The following FCRL1 variants were observed in gnomAD, a reference collection of about 807,000 sequenced individuals.
FCRL1 encodes the protein Fc receptor-like protein 1.
FCRL1 carries 34 observed loss-of-function variants against 49.2 expected under a neutral mutation model. That is an observed-to-expected ratio of 0.69 (90% CI 0.53 to 0.92). The LOEUF is 0.92. Among genes scored for constraint, FCRL1 ranks in the 40% least tolerant of loss-of-function variants. The pLI is 0.00. For synonymous variants in FCRL1, 218 were observed against 201.6 expected, an observed-to-expected ratio of 1.08 and a Z score of -0.69; for missense variants, 524 against 524.1, an observed-to-expected ratio of 1.00 and a Z score of 0.00.
At chr1:157,816,122 C>G (rs1048416437) in intron 1 of FCRL1, among the ~76,000 whole-genome samples, 1 of 151,820 alleles carries the variant, frequency 6.6e-6, no homozygotes, top group African/African-American at 2.4e-5. Context: ...TACTTTGATG[C>G]CAAAACCAGA....
rs531568995 is a variant in FCRL1 at position 157,819,873 on chromosome 1, G to T, written c.31+134C>A. 6.8e-4 allele frequency: 677 copies of T among 993,602 alleles called. 1 individual carries two copies. Among genetic ancestry groups the T allele is most frequent in the Non-Finnish European group, 9.8e-4 (641 of 651,270 alleles). 61.5% of individuals were successfully genotyped at this position (993,602 alleles called of 1,614,324 possible). A position where few individuals can be genotyped will look rare whatever the true frequency, so the allele number is the denominator to read the frequency against. ...CTTTTTGCCTGACTCTGAGCCCTCC[G>T]TGGAAGTGGAGATCTGAGCACCCCT... On this transcript the variant is annotated intron_variant, in intron 1 of 10. Transcript: ENST00000368176.
At position 157,801,447 on chromosome 1, in the gene FCRL1, C is replaced by T. The variant is rs372157217; in HGVS notation, c.1003+14G>A. 6.6e-6 allele frequency: 10 copies of T among 1,526,314 alleles called. No homozygotes were observed. The African/African-American group carries it at 1.4e-4, about 21-fold the overall frequency. 94.5% of individuals were successfully genotyped at this position (1,526,314 alleles called of 1,614,324 possible). Reference sequence around the variant, plus strand: ...GATCACAGTAACAAAATGCCACTCTCTTTAAATACTAACCTATTTTTCTTT... The same window carrying T: ...GATCACAGTAACAAAATGCCACTCTTTTTAAATACTAACCTATTTTTCTTT... On this transcript the variant is annotated intron_variant, in intron 6 of 10. Coordinates refer to ENST00000368176, the MANE Select transcript of FCRL1 (RefSeq NM_052938.5).
rs1220963876 is a variant in FCRL1 at position 157,807,050 on chromosome 1, T to C, written c.52+52A>G. 45 of 1,610,288 alleles carry C rather than the reference T, an allele frequency of 2.8e-5. No individual in the cohort carries two copies. The Admixed American group carries it at 6.2e-4, about 22-fold the overall frequency. On this transcript the variant is annotated intron_variant, in intron 2 of 10. Transcript: ENST00000368176. ...AATCTGCAGGCCTCCTGTGCTGACC[T>C]AAGTAACAAAATACCCACAGACCTT... is the stretch of plus-strand genomic sequence containing the variant.
At position 157,809,626 on chromosome 1, in the gene FCRL1, A is replaced by AT. The variant is rs199719623; in HGVS notation, c.32-2505dup. ...AGCCACCACACCCAGCTAATTTTGT[A>AT]TTTTTTTTTTCTTTAGTAGAGACTG... is the stretch of plus-strand genomic sequence containing the variant. On this transcript the variant is annotated intron_variant, in intron 1 of 10. Transcript: ENST00000368176. 5.5e-4 allele frequency among the ~76,000 whole-genome samples: 82 copies of AT among 149,160 alleles called. No individual in the cohort carries two copies. In the East Asian group the frequency reaches 9.4e-3, roughly 17 times the overall value.
intron 1 of FCRL1, among the ~76,000 whole-genome samples, chr1:157,809,419 A>C (rs1653977737): frequency 6.7e-6 from 1 of 148,710 alleles, no homozygotes; most frequent in Non-Finnish European, 1.5e-5. Context: ...TGTAAAAAAC[A>C]AAAACAAAAA....
At chr1:157,803,377 G>A (rs1652854538) in intron 3 of FCRL1, among the ~76,000 whole-genome samples, 1 of 152,072 alleles carries the variant, frequency 6.6e-6, no homozygotes, top group Non-Finnish European at 1.5e-5. Flanking sequence ...CTATTTTTTG[G>A]AAATCAAGCT....
intron 1 of FCRL1, among the ~76,000 whole-genome samples, chr1:157,814,344 G>A (rs186324031): frequency 6.6e-5 from 10 of 152,086 alleles, no homozygotes; most frequent in Non-Finnish European, 1.2e-4. Flanking sequence ...AAATAATGGC[G>A]GCAATGGTAA....
Position 157,802,490 on chromosome 1 carries a change from G to A in FCRL1, c.494C>T (p.Thr165Ile), listed in dbSNP as rs777789250. 3.1e-6 allele frequency: 5 copies of A among 1,614,078 alleles called. No individual in the cohort carries two copies. The highest frequency in any genetic ancestry group is 4.2e-6 in the Non-Finnish European group (5 of 1,180,038). ...NLQSKTQRSL[T>I]AEYEIPSVRE... is the part of the protein sequence containing the mutation. The stretch of plus-strand genomic sequence containing the variant: ...CACTGAAGGAATCTCATACTCTGCT[G>A]TCAGTGAACGCTGGGTCTTTGACTG... Residue 165 changes from threonine (T) to isoleucine (I), a missense_variant, in exon 4 of 11, where the codon ACA becomes ATA. By Grantham distance (89) the Thr-to-Ile change is moderately conservative. Transcript: ENST00000368176.
rs1243442714 is a variant in FCRL1 at position 157,795,149 on chromosome 1, G to A, written c.*950C>T. 1.3e-5 allele frequency: 2 copies of A among 152,124 alleles called. No homozygotes were observed. Among genetic ancestry groups the A allele is most frequent in the African/African-American group, 4.8e-5 (2 of 41,412 alleles). The allele number at this position is 152,124 out of a possible 1,614,324, so 9.4% of individuals were successfully genotyped here. On this transcript the variant is annotated 3_prime_UTR_variant, in exon 11 of 11. Transcript: ENST00000368176. ...AATTCAATACATTGCTTGAGCCCAG[G>A]AGTTTGAGACCAGCCTGGGCAAAAC...
intron 7 of FCRL1, 105 bp from the exon 8 acceptor site, chr1:157,798,348 A>G: frequency 1.0e-6 from 1 of 965,316 alleles, no homozygotes; most frequent in Non-Finnish European, 1.5e-6. Flanking sequence ...TGAGCAGAAT[A>G]CTAAGTTACG....
At chr1:157,810,814 G>A (rs1238867878) in intron 1 of FCRL1, among the ~76,000 whole-genome samples, 2 of 152,004 alleles carry the variant, frequency 1.3e-5, no homozygotes, top group Non-Finnish European at 2.9e-5. Flanking sequence ...TTTGAGACAG[G>A]ATCTTGCTCT....
Position 157,801,592 on chromosome 1 carries a change from C to G in FCRL1, c.887-15G>C, listed in dbSNP as rs1652484026. 6.4e-7 allele frequency: 1 copy of G among 1,563,520 alleles called. No homozygotes were observed. The highest frequency in any genetic ancestry group is 1.4e-5 in the African/African-American group (1 of 73,968). On this transcript the variant is annotated splice_polypyrimidine_tract_variant and intron_variant, in intron 5 of 10. Coordinates refer to ENST00000368176, the MANE Select transcript of FCRL1 (RefSeq NM_052938.5). ...CCCAGTAGGCACTAGAGGGAGAGAC[C>G]TGTGCATGATCTGCTCAGAGGAAGG...
intron 1 of FCRL1, among the ~76,000 whole-genome samples, chr1:157,810,833 G>A (rs116696977): frequency 6.6e-6 from 1 of 152,034 alleles, no homozygotes; most frequent in Non-Finnish European, 1.5e-5. Flanking sequence ...CTGTCACCCA[G>A]GCTGGAGGTC....
At chr1:157,805,292 C>T (rs1653248053) in intron 2 of FCRL1, among the ~76,000 whole-genome samples, 1 of 152,218 alleles carries the variant, frequency 6.6e-6, no homozygotes, top group South Asian at 2.1e-4. Context: ...TTATCCAACC[C>T]TCAGAGCCTC....
intron 3 of FCRL1, among the ~76,000 whole-genome samples, chr1:157,803,270 G>A (rs1266258159): frequency 6.6e-6 from 1 of 152,202 alleles, no homozygotes; most frequent in Non-Finnish European, 1.5e-5. Context: ...GGAAGTATTA[G>A]ACATTTGCTT....
At chr1:157,817,790 A>G (rs755812835) in intron 1 of FCRL1, among the ~76,000 whole-genome samples, 2 of 152,190 alleles carry the variant, frequency 1.3e-5, no homozygotes, top group Non-Finnish European at 2.9e-5. Context: ...AGAAAAAGTT[A>G]ATATCCAGAA....
intron 1 of FCRL1, among the ~76,000 whole-genome samples, chr1:157,814,407 A>G (rs1395867299): frequency 2.0e-5 from 3 of 152,084 alleles, no homozygotes; most frequent in Non-Finnish European, 2.9e-5. Context: ...TATTATAACT[A>G]TAAGATTTTT....
intron 6 of FCRL1, among the ~76,000 whole-genome samples, chr1:157,800,643 T>C (rs74121537): frequency 0.025 from 3,846 of 152,184 alleles, 150 homozygotes; most frequent in African/African-American, 0.086. Context: ...GAGAGAACAA[T>C]TGCAGGCTGT....
At chr1:157,797,586 G>C (rs1651722481) in intron 9 of FCRL1, 1 of 651,360 alleles carries the variant, frequency 1.5e-6, no homozygotes, top group African/African-American at 1.8e-5. Context: ...ATCGTGTTGG[G>C]AGGTCAGGAA....
Sources: gnomAD v4.1 joint callset for allele counts (sites outside exome capture counted in the v4.1 genomes callset) on GRCh38, gnomAD v4.1.1 for gene constraint, MANE v1.5 for transcripts, NCBI Gene and HGNC (gene_info 2026-07-23, HGNC 2026-07-21) for gene names.